KCNH6: variants seen among roughly 807,000 people sequenced by gnomAD.
KCNH6 encodes the protein voltage-gated inwardly rectifying potassium channel KCNH6.
In KCNH6, 81 loss-of-function variants were observed where a neutral mutation model predicts 83.4. That is an observed-to-expected ratio of 0.97 (90% CI 0.81 to 1.17). The LOEUF (loss-of-function observed/expected upper bound fraction) is 1.17. Among genes scored for constraint, KCNH6 ranks in the 50% most tolerant of loss-of-function variants. The pLI is 0.00. For missense variants in KCNH6, 1,203 were observed against 1,290.5 expected (o/e 0.93, Z 1.04); for synonymous variants, 503 against 545.6 (o/e 0.92, Z 1.09).
chr17:63,523,504 G>T lies in KCNH6; in HGVS notation c.76+15G>T. On this transcript the variant is annotated intron_variant, in intron 1 of 12. Coordinates refer to ENST00000314672, the MANE Select transcript of KCNH6 (RefSeq NM_001278919.2). This position sits in a 1 kb window ranked among gnomAD's most constrained non-coding sequence, Gnocchi z 4.2. Reference sequence around the variant, plus strand: ...CGAGGGCCAAAGTGAGTGTGTGTATGTTGGGGCGGGGGGACGATCTGGAGT... The same window carrying T: ...CGAGGGCCAAAGTGAGTGTGTGTATTTTGGGGCGGGGGGACGATCTGGAGT... 4 of 1,596,736 alleles carry T rather than the reference G, an allele frequency of 2.5e-6. No homozygotes were observed. Among genetic ancestry groups the T allele is most frequent in the Non-Finnish European group, 3.4e-6 (4 of 1,171,476 alleles).
chr17:63,536,459 A>ATGG (rs1417961270), intron 6 of KCNH6, among the ~76,000 whole-genome samples: 1 of 152,208 alleles, frequency 6.6e-6, no homozygotes, highest in Non-Finnish European at 1.5e-5. Flanking sequence ...CCTGGCCAAT[A>ATGG]TGGTGAAACC....
intron 8 of KCNH6, among the ~76,000 whole-genome samples, chr17:63,539,110 AG>A (rs1453424637): frequency 1.3e-5 from 2 of 152,158 alleles, no homozygotes; most frequent in Non-Finnish European, 1.5e-5. Context: ...AGCACTGGGC[AG>A]GGGGGACAGA....
At position 63,538,992 on chromosome 17, in the gene KCNH6, G is replaced by A. The variant is rs2032708501; in HGVS notation, c.1954+330G>A. 6.6e-6 allele frequency among the ~76,000 whole-genome samples: 1 copy of A among 152,132 alleles called. No individual in the cohort carries two copies. The highest frequency in any genetic ancestry group is 1.5e-5 in the Non-Finnish European group (1 of 68,012). On this transcript the variant is annotated intron_variant, in intron 8 of 12. Transcript: ENST00000314672. The surrounding 1 kb of genome is among the most constrained non-coding windows in gnomAD (Gnocchi z 4.0). Reference sequence around the variant, plus strand: ...TTCTTGCACTCTTGGGGAGTTTAGGGAGAAAGGCCAAGGGTCTTTCTGGGT... The same window carrying A: ...TTCTTGCACTCTTGGGGAGTTTAGGAAGAAAGGCCAAGGGTCTTTCTGGGT...
chr17:63,525,881 G>A (rs2031678326), intron 2 of KCNH6, among the ~76,000 whole-genome samples: 1 of 152,212 alleles, frequency 6.6e-6, no homozygotes, highest in Non-Finnish European at 1.5e-5. Flanking sequence ...AGTGAGAAGG[G>A]TCCTGGGGAA....
intron 6 of KCNH6, among the ~76,000 whole-genome samples, chr17:63,537,533 C>G (rs2032573943): frequency 6.6e-6 from 1 of 152,146 alleles, no homozygotes; most frequent in African/African-American, 2.4e-5. Flanking sequence ...CTCCTGGGTT[C>G]AAGCGATTCT....
In KCNH6 at chr17:63,530,166, A is replaced by C. The variant is rs199563172; in HGVS notation, c.383A>C (p.Asn128Thr). 147 of 1,614,056 alleles carry C rather than the reference A, an allele frequency of 9.1e-5. No homozygotes were observed. The highest frequency in any genetic ancestry group is 2.5e-6 in the Non-Finnish European group (3 of 1,180,014). Residue 128 changes from asparagine to threonine, a missense_variant, in exon 3 of 13, where the codon AAC (asparagine) becomes ACC (threonine). Coordinates refer to ENST00000314672, the MANE Select transcript of KCNH6 (RefSeq NM_001278919.2). Reference sequence around the variant, plus strand: ...GGGGCTGTCATCATGTTCATTCTCAACTTCGAGGACCTGGCCCAGCTCCTG... The same window carrying C: ...GGGGCTGTCATCATGTTCATTCTCACCTTCGAGGACCTGGCCCAGCTCCTG... ...EDGAVIMFIL[N>T]FEDLAQLLAK...
rs1416497249 is a variant in KCNH6 at position 63,535,461 on chromosome 17, A to G, written c.1102-208A>G. On this transcript the variant is annotated intron_variant, in intron 5 of 12. Coordinates refer to ENST00000314672, the MANE Select transcript of KCNH6 (RefSeq NM_001278919.2). The surrounding 1 kb of genome is among the most constrained non-coding windows in gnomAD (Gnocchi z 4.9). ...TGTTCTCCCACTGGACTTCTGTCCT[A>G]GCAACCAGAACACTATTCTGAGCTT... Among the ~76,000 whole-genome samples the G allele has an allele frequency of 1.3e-5, 2 of 152,184 alleles. No individual in the cohort carries two copies. The highest frequency in any genetic ancestry group is 4.8e-5 in the African/African-American group (2 of 41,444).
Position 63,523,863 on chromosome 17 carries a change from C to A in KCNH6, c.77-276C>A, listed in dbSNP as rs900561070. Among the ~76,000 whole-genome samples, 2 of 152,088 alleles carry A rather than the reference C, an allele frequency of 1.3e-5. No homozygotes were observed. Among genetic ancestry groups the A allele is most frequent in the Non-Finnish European group, 2.9e-5 (2 of 68,010 alleles). ...ATCCTGGTTCTGGTCTTCCCAGGAG[C>A]TTTCCCAGGCCTGACCCCCATCTGG... On this transcript the variant is annotated intron_variant, in intron 1 of 12. Coordinates refer to ENST00000314672, the MANE Select transcript of KCNH6 (RefSeq NM_001278919.2). This position sits in a 1 kb window ranked among gnomAD's most constrained non-coding sequence, Gnocchi z 4.2.
rs751060383 is a variant in KCNH6, at chr17:63,544,219, C to G, written c.2234-30C>G. ...GTCAGGCCTGTGGAACCAGCTAGGC[C>G]CAGCTGAGACTTCCCTTTCCCTCCT... On this transcript the variant is annotated intron_variant, in intron 10 of 12. Transcript: ENST00000314672. 6.3e-6 allele frequency: 10 copies of G among 1,589,464 alleles called. No individual in the cohort carries two copies. The South Asian group carries it at 6.7e-5, about 11-fold the overall frequency.
At chr17:63,542,806 C>T (rs1409394218) in intron 9 of KCNH6, among the ~76,000 whole-genome samples, 1 of 152,186 alleles carries the variant, frequency 6.6e-6, no homozygotes, top group Non-Finnish European at 1.5e-5. Context: ...GGCATTCCTA[C>T]TACATCATAC....
intron 8 of KCNH6, among the ~76,000 whole-genome samples, chr17:63,540,424 T>G (rs1306017237): frequency 6.6e-6 from 1 of 151,642 alleles, no homozygotes; most frequent in Non-Finnish European, 1.5e-5. Flanking sequence ...AGAGCGAGAC[T>G]CTGTCTTTAA....
rs772201390 is a variant in KCNH6 at position 63,538,508 on chromosome 17, G to T, written c.1800G>T (p.Lys600Asn). ...QHCPAFSGAG[K>N]GCLRALAVKF... Reference sequence around the variant, plus strand: ...GCCCAGCTTTCAGCGGCGCCGGCAAGGGCTGCCTGCGCGCGCTAGCCGTCA... The same window carrying T: ...GCCCAGCTTTCAGCGGCGCCGGCAATGGCTGCCTGCGCGCGCTAGCCGTCA... The change falls in exon 8 of 13, where the codon AAG (lysine) becomes AAT (asparagine). Residue 600 changes from lysine to asparagine, a missense_variant. Coordinates refer to ENST00000314672, the MANE Select transcript of KCNH6 (RefSeq NM_001278919.2). This position sits in a 1 kb window ranked among gnomAD's most constrained non-coding sequence, Gnocchi z 4.0. The T allele has an allele frequency of 6.2e-6, 10 of 1,603,882 alleles. No homozygotes were observed. The African/African-American group carries it at 1.3e-4, about 21-fold the overall frequency.
At position 63,535,925 on chromosome 17, in the gene KCNH6, C is replaced by G. The variant is rs1161088971; in HGVS notation, c.1358C>G (p.Pro453Arg). 6.2e-7 allele frequency: 1 copy of G among 1,613,932 alleles called. No individual in the cohort carries two copies. The highest frequency in any genetic ancestry group is 8.5e-7 in the Non-Finnish European group (1 of 1,180,058). The part of the protein sequence containing the change: ...QLGKRYNGSD[P>R]ASGPSVQDKY... ...GGCAAGCGCTACAACGGCAGCGACC[C>G]AGCCTCGGGCCCCTCGGTGCAGGAC... The change falls in exon 6 of 13, where the codon CCA (proline) becomes CGA (arginine). Residue 453 changes from proline (P) to arginine (R), a missense_variant. Coordinates refer to ENST00000314672, the MANE Select transcript of KCNH6 (RefSeq NM_001278919.2). The surrounding 1 kb of genome is among the most constrained non-coding windows in gnomAD (Gnocchi z 4.9).
At position 63,534,731 on chromosome 17, in the gene KCNH6, C is replaced by G. The variant is rs1011167034; in HGVS notation, c.1101+420C>G. Among the ~76,000 whole-genome samples the G allele has an allele frequency of 3.3e-5, 5 of 152,274 alleles. No individual in the cohort carries two copies. The highest frequency in any genetic ancestry group is 6.8e-3 in the Middle Eastern group (2 of 294). ...TGTCCACCTGGCTGCCCATAGGTGACGTGAAGGCATCTACATGCCTTTCTC... is the reference window on the plus strand; with the variant it reads ...TGTCCACCTGGCTGCCCATAGGTGAGGTGAAGGCATCTACATGCCTTTCTC... On this transcript the variant is annotated intron_variant, in intron 5 of 12. Transcript: ENST00000314672. This position sits in a 1 kb window ranked among gnomAD's most constrained non-coding sequence, Gnocchi z 5.0.
chr17:63,531,173 C>A (rs1457875773), intron 4 of KCNH6, among the ~76,000 whole-genome samples: 2 of 152,202 alleles, frequency 1.3e-5, no homozygotes, highest in Non-Finnish European at 2.9e-5. Context: ...TCCAGCTCAC[C>A]CTGCTGTCCC....
In KCNH6 at chr17:63,538,778, G is replaced by A; in HGVS notation, c.1954+116G>A. The A allele has an allele frequency of 1.8e-6, 2 of 1,125,930 alleles. No homozygotes were observed. Among genetic ancestry groups the A allele is most frequent in the Middle Eastern group, 2.3e-4 (1 of 4,378 alleles). The allele number at this position is 1,125,930 out of a possible 1,614,324, so 69.7% of individuals were successfully genotyped here. ...GATGAGGATTTTACTTTTACTGGCA[G>A]CCACTTGCACAGCATGTGCCCGGGA... On this transcript the variant is annotated intron_variant, in intron 8 of 12. Transcript: ENST00000314672. This position sits in a 1 kb window ranked among gnomAD's most constrained non-coding sequence, Gnocchi z 4.0.
intron 2 of KCNH6, among the ~76,000 whole-genome samples, chr17:63,527,087 C>T (rs1467972431): frequency 6.6e-6 from 1 of 152,200 alleles, no homozygotes; most frequent in Non-Finnish European, 1.5e-5. Flanking sequence ...CCACCCCAGC[C>T]TGCCTTTCCT....
rs752541092 is a variant in KCNH6 at position 63,538,180 on chromosome 17, C to G, written c.1617C>G (p.His539Gln). The G allele has an allele frequency of 6.8e-6, 11 of 1,614,078 alleles. No individual in the cohort carries two copies. The highest frequency in any genetic ancestry group is 1.6e-4 in the Middle Eastern group (1 of 6,084). ...MLRVKEFIRF[H>Q]QIPNPLRQRL... ...GTGTCAAGGAGTTCATCCGCTTCCA[C>G]CAGATCCCCAACCCACTGCGCCAGC... is the stretch of plus-strand genomic sequence containing the variant. Residue 539 changes from histidine to glutamine, a missense_variant, in exon 7 of 13, where the codon CAC becomes CAG. His to Gln is a conservative substitution (Grantham distance 24, BLOSUM62 0). Transcript: ENST00000314672. This position sits in a 1 kb window ranked among gnomAD's most constrained non-coding sequence, Gnocchi z 4.0.
At chr17:63,541,036 G>A (rs151198048) in intron 8 of KCNH6, among the ~76,000 whole-genome samples, 18 of 152,224 alleles carry the variant, frequency 1.2e-4, no homozygotes, top group Non-Finnish European at 2.4e-4. Context: ...ATAACTCTTG[G>A]TTCTTCCTGT....
Sources: allele counts gnomAD v4.1 joint callset (sites outside exome capture counted in the v4.1 genomes callset), GRCh38; gene constraint gnomAD v4.1.1; non-coding constraint Gnocchi (gnomAD v3.1); transcripts MANE v1.5; gene names NCBI Gene and HGNC (gene_info 2026-07-23, HGNC 2026-07-21).